Variants in IRAG1 observed in about 807,000 individuals in gnomAD.
IRAG1 encodes the protein IP3R-associated cGMP kinase substrate.
In IRAG1, 62 loss-of-function variants were observed where a neutral mutation model predicts 106.2. That is an observed-to-expected ratio of 0.58 (90% CI 0.48 to 0.72). IRAG1 has a LOEUF of 0.72. Among genes scored for constraint, IRAG1 ranks in the 30% least tolerant of loss-of-function variants. The pLI, the probability that IRAG1 is intolerant of heterozygous loss-of-function variation, is 0.00. For missense variants in IRAG1, 1,064 were observed against 1,140.7 expected, an observed-to-expected ratio of 0.93 and a Z score of 0.97; for synonymous variants, 462 against 443.9, an observed-to-expected ratio of 1.04 and a Z score of -0.51.
At chr11:10,597,023 G>T (rs769248256) in intron 15 of IRAG1, among the ~76,000 whole-genome samples, 1 of 152,138 alleles carries the variant, frequency 6.6e-6, no homozygotes, top group African/African-American at 2.4e-5. Flanking sequence ...GAAGAAACAG[G>T]GCAAACTGCA....
chr11:10,586,431 T>TC (rs1852004512), intron 18 of IRAG1, among the ~76,000 whole-genome samples: 2 of 151,082 alleles, frequency 1.3e-5, no homozygotes, highest in Non-Finnish European at 1.5e-5. Flanking sequence ...TTTTTTTTTT[T>TC]CCTTGAGACA....
intron 1 of IRAG1, chr11:10,658,325 T>A (rs944268180): frequency 1.3e-5 from 2 of 151,980 alleles, no homozygotes; most frequent in East Asian, 3.9e-4. Flanking sequence ...TCTCCCTTGC[T>A]GGATAAATCT....
At chr11:10,623,259 G>T (rs576380199) in intron 10 of IRAG1, among the ~76,000 whole-genome samples, 1 of 152,302 alleles carries the variant, frequency 6.6e-6, no homozygotes, top group Admixed American at 6.5e-5. Context: ...GCAGAGGTGA[G>T]TGCAGAGAGG....
intron 18 of IRAG1, among the ~76,000 whole-genome samples, chr11:10,587,657 T>C (rs1471435570): frequency 6.6e-6 from 1 of 152,236 alleles, no homozygotes; most frequent in Non-Finnish European, 1.5e-5. Context: ...AACCCCTTTT[T>C]GACACTAACC....
At chr11:10,669,763 C>A (rs1249498704) in intron 1 of IRAG1, among the ~76,000 whole-genome samples, 2 of 152,234 alleles carry the variant, frequency 1.3e-5, no homozygotes, top group Non-Finnish European at 1.5e-5. Flanking sequence ...TGCAGACACC[C>A]CCATGGGATA....
chr11:10,663,389 T>C (rs1445253788), intron 1 of IRAG1, among the ~76,000 whole-genome samples: 1 of 152,166 alleles, frequency 6.6e-6, no homozygotes, highest in Admixed American at 6.5e-5. Context: ...CATATAGGAA[T>C]ATAGGAATAT....
At chr11:10,623,508 T>G (rs1044790298) in intron 10 of IRAG1, among the ~76,000 whole-genome samples, 2 of 151,892 alleles carry the variant, frequency 1.3e-5, no homozygotes, top group Non-Finnish European at 2.9e-5. Flanking sequence ...GAAAAGGAAG[T>G]GTCAAAAGTT....
rs1466604442 is a variant in IRAG1, at chr11:10,628,063, G to T, written c.653-38C>A. On this transcript the variant is annotated intron_variant, in intron 6 of 20. Coordinates refer to ENST00000423302, the MANE Select transcript of IRAG1 (RefSeq NM_130385.4). This position sits in a 1 kb window ranked among gnomAD's most constrained non-coding sequence, Gnocchi z 4.1. The stretch of plus-strand genomic sequence containing the variant: ...AGACACTAGTGAGTGAGGCCCAGCA[G>T]CCCAGGCCCTCAGCTGTGCTTTCAG... 1 of 1,609,852 alleles carries T rather than the reference G, an allele frequency of 6.2e-7. No individual in the cohort carries two copies. Among genetic ancestry groups the T allele is most frequent in the Non-Finnish European group, 8.5e-7 (1 of 1,177,068 alleles).
intron 18 of IRAG1, among the ~76,000 whole-genome samples, chr11:10,586,624 G>C (rs1852035544): frequency 6.6e-6 from 1 of 152,002 alleles, no homozygotes; most frequent in Admixed American, 6.6e-5. Flanking sequence ...CACCATGTTG[G>C]CCAGGCTGGT....
chr11:10,580,883 C>T (rs971433565), intron 19 of IRAG1, among the ~76,000 whole-genome samples: 2 of 152,150 alleles, frequency 1.3e-5, no homozygotes, highest in African/African-American at 2.4e-5. Flanking sequence ...CAAAACATTC[C>T]GTAGGGCTAA....
intron 17 of IRAG1, 41 bp downstream of exon 17, chr11:10,593,451 T>C (rs1321055944): frequency 1.6e-5 from 25 of 1,555,008 alleles, no homozygotes; most frequent in Non-Finnish European, 2.2e-5. Context: ...GAAAGGTTAT[T>C]CTACTATTCT....
intron 2 of IRAG1, among the ~76,000 whole-genome samples, chr11:10,644,330 A>T (rs2134799707): frequency 6.6e-6 from 1 of 152,344 alleles, no homozygotes; most frequent in East Asian, 1.9e-4. Flanking sequence ...CCAGGTGCCC[A>T]GTAGTTGCTA....
At chr11:10,593,846 G>A (rs1852954707) in intron 16 of IRAG1, 2 of 571,916 alleles carry the variant, frequency 3.5e-6, no homozygotes, top group Admixed American at 6.2e-5. Flanking sequence ...GATACAGAAT[G>A]GAAATGACCC....
In IRAG1 at chr11:10,683,737, A is replaced by G. The variant is rs1483065140; in HGVS notation, c.67+9799T>C. On this transcript the variant is annotated intron_variant, in intron 1 of 20. Coordinates refer to ENST00000423302, the MANE Select transcript of IRAG1 (RefSeq NM_130385.4). ...GCAGTGACTGTGACTCTCCTTAGCTACAGCTCATTCTGGATGGAACCTCTT... is the reference window on the plus strand; with the variant it reads ...GCAGTGACTGTGACTCTCCTTAGCTGCAGCTCATTCTGGATGGAACCTCTT... Among the ~76,000 whole-genome samples, 4 of 152,180 alleles carry G rather than the reference A, an allele frequency of 2.6e-5. No homozygotes were observed. The East Asian group carries it at 7.7e-4, about 29-fold the overall frequency.
chr11:10,638,529 CG>C (rs1457123948), intron 2 of IRAG1, among the ~76,000 whole-genome samples: 1 of 152,158 alleles, frequency 6.6e-6, no homozygotes, highest in African/African-American at 2.4e-5. Flanking sequence ...ATAGCATGCG[CG>C]GGCTTCTTTC....
intron 1 of IRAG1, among the ~76,000 whole-genome samples, chr11:10,677,639 G>T (rs903827): frequency 0.4 from 60,780 of 151,860 alleles, 12,479 homozygotes; most frequent in African/African-American, 0.47. Flanking sequence ...GACATATGAT[G>T]TATCATTTTA....
intron 18 of IRAG1, among the ~76,000 whole-genome samples, chr11:10,582,275 G>A (rs1027083459): frequency 3.9e-5 from 6 of 152,124 alleles, no homozygotes; most frequent in Non-Finnish European, 5.9e-5. Flanking sequence ...GATCTACAGC[G>A]CTGAGATGAG....
intron 18 of IRAG1, 97 bp downstream of exon 18, chr11:10,591,451 C>T: frequency 9.1e-7 from 1 of 1,097,412 alleles, no homozygotes. Flanking sequence ...ATTTGCTTTC[C>T]ACTGCATTTT....
chr11:10,609,866 C>A lies in IRAG1; in HGVS notation c.1448-15G>T, dbSNP rs1385191985. The A allele has an allele frequency of 4.3e-6, 7 of 1,612,628 alleles. No homozygotes were observed. The Admixed American group carries it at 1.2e-4, about 27-fold the overall frequency. ...AGAAGGAAGCCCTGAAAAAAAAGTG[C>A]TTACTTATAAAATGTCTCTTTGAAA... On this transcript the variant is annotated splice_polypyrimidine_tract_variant and intron_variant, in intron 10 of 20. Transcript: ENST00000423302.
Sources: allele counts gnomAD v4.1 joint callset (sites outside exome capture counted in the v4.1 genomes callset), GRCh38; gene constraint gnomAD v4.1.1; non-coding constraint Gnocchi (gnomAD v3.1); transcripts MANE v1.5; gene names NCBI Gene and HGNC (gene_info 2026-07-23, HGNC 2026-07-21).